Variants in CCDC148 observed in about 807,000 individuals in gnomAD.
CCDC148 encodes the protein coiled-coil domain containing 148.
CCDC148 carries 89 observed loss-of-function variants against 85.7 expected under a neutral mutation model. The ratio of observed to expected loss-of-function variants is 1.04; its 90% CI spans 0.87 to 1.24. The LOEUF is 1.24. CCDC148 is among the 50% of genes most tolerant of loss of function. The probability of loss-of-function intolerance (pLI) is 0.00; values close to 1 mark genes in which losing one functional copy is unlikely to be tolerated. For missense variants in CCDC148, 692 were observed against 671.7 expected (o/e 1.03, Z -0.33); for synonymous variants, 230 against 213.9 (o/e 1.08, Z -0.66).
chr2:158,314,044 T>A (rs911615550), intron 7 of CCDC148, 150 bp from the exon 8 acceptor site: 2 of 642,596 alleles, frequency 3.1e-6, no homozygotes. Flanking sequence ...AATGTCTGTT[T>A]CAGAAAAGCT....
In CCDC148 at chr2:158,397,097, A is replaced by G. The variant is rs147702032; in HGVS notation, c.26-38527T>C. On this transcript the variant is annotated intron_variant, in intron 1 of 13. Transcript: ENST00000283233. The stretch of plus-strand genomic sequence containing the variant: ...TCTCCAGGCAGCAAGACCACTAGCA[A>G]GCCAGACCCACACTTAAGCTCAGGT... Among the ~76,000 whole-genome samples the G allele has an allele frequency of 5.7e-3, 874 of 152,164 alleles. 9 individuals carry two copies. Among genetic ancestry groups the G allele is most frequent in the African/African-American group, 0.02 (832 of 41,528 alleles).
chr2:158,338,068 G>A (rs1183098976), intron 7 of CCDC148, among the ~76,000 whole-genome samples: 3 of 152,028 alleles, frequency 2.0e-5, no homozygotes, highest in Non-Finnish European at 4.4e-5. Context: ...TCCCCTAGAT[G>A]CTTCATATAC....
chr2:158,306,948 G>C (rs990662813), intron 9 of CCDC148, among the ~76,000 whole-genome samples: 3 of 151,186 alleles, frequency 2.0e-5, no homozygotes, highest in Admixed American at 2.0e-4. Flanking sequence ...GAACCCGGGA[G>C]GCGCAGCTTG....
intron 1 of CCDC148, among the ~76,000 whole-genome samples, chr2:158,415,957 T>C (rs1305107806): frequency 1.3e-5 from 2 of 152,224 alleles, no homozygotes; most frequent in Non-Finnish European, 2.9e-5. Context: ...GCTCTGCCCA[T>C]TCAGCAGACT....
intron 1 of CCDC148, among the ~76,000 whole-genome samples, chr2:158,383,148 A>T (rs879917447): frequency 4.4e-4 from 67 of 151,814 alleles, no homozygotes; most frequent in Admixed American, 1.4e-3. Context: ...AAAAATAAAA[A>T]AAAATAAAAT....
At chr2:158,278,701 C>A (rs1275005102) in intron 9 of CCDC148, among the ~76,000 whole-genome samples, 1 of 152,258 alleles carries the variant, frequency 6.6e-6, no homozygotes, top group African/African-American at 2.4e-5. Context: ...GGGGGCAGGG[C>A]ACAGACAAAC....
chr2:158,271,366 TC>T (rs1303917078), intron 9 of CCDC148, among the ~76,000 whole-genome samples: 1 of 152,176 alleles, frequency 6.6e-6, no homozygotes, highest in Non-Finnish European at 1.5e-5. Flanking sequence ...ATGGAAAATT[TC>T]AAAAATAAAA....
intron 11 of CCDC148, among the ~76,000 whole-genome samples, chr2:158,201,584 C>G (rs1996787): frequency 0.36 from 54,315 of 151,700 alleles, 10,594 homozygotes; most frequent in East Asian, 0.73. Context: ...TAATGTTTTT[C>G]TATTTTTTGT....
At chr2:158,192,353 G>T (rs1043620272) in intron 11 of CCDC148, among the ~76,000 whole-genome samples, 1 of 151,942 alleles carries the variant, frequency 6.6e-6, no homozygotes, top group Admixed American at 6.6e-5. Flanking sequence ...AACAACTCAC[G>T]ATTTGTAAAC....
chr2:158,454,112 G>A (rs1688508697), intron 1 of CCDC148, among the ~76,000 whole-genome samples: 1 of 152,200 alleles, frequency 6.6e-6, no homozygotes, highest in African/African-American at 2.4e-5. Context: ...GGCAAAATAA[G>A]CTAGGATTTT....
At chr2:158,335,680 T>C (rs1226366630) in intron 7 of CCDC148, among the ~76,000 whole-genome samples, 3 of 152,082 alleles carry the variant, frequency 2.0e-5, no homozygotes, top group Non-Finnish European at 2.9e-5. Context: ...CATGATTCAA[T>C]TATCTCCACC....
intron 11 of CCDC148, among the ~76,000 whole-genome samples, chr2:158,180,645 A>C (rs1413668754): frequency 3.3e-5 from 5 of 152,106 alleles, no homozygotes; most frequent in African/African-American, 1.2e-4. Flanking sequence ...GAACAAGTGA[A>C]TGATGAGTGA....
intron 10 of CCDC148, among the ~76,000 whole-genome samples, chr2:158,227,189 G>T (rs1687588766): frequency 6.6e-6 from 1 of 151,958 alleles, no homozygotes; most frequent in Non-Finnish European, 1.5e-5. Flanking sequence ...CAAATCATGA[G>T]TGAACTCCCA....
intron 11 of CCDC148, among the ~76,000 whole-genome samples, chr2:158,215,291 T>C (rs1686789206): frequency 6.6e-6 from 1 of 152,140 alleles, no homozygotes; most frequent in African/African-American, 2.4e-5. Flanking sequence ...TTAGAAGAAA[T>C]ATGAATAATA....
intron 9 of CCDC148, among the ~76,000 whole-genome samples, chr2:158,286,925 A>G (rs927865903): frequency 8.5e-5 from 13 of 152,200 alleles, no homozygotes; most frequent in African/African-American, 2.9e-4. Flanking sequence ...GTCCGTTTTC[A>G]TGCTGCTGAT....
intron 9 of CCDC148, among the ~76,000 whole-genome samples, chr2:158,306,879 C>T (rs190997849): frequency 4.6e-5 from 7 of 150,574 alleles, no homozygotes; most frequent in Middle Eastern, 3.4e-3. Flanking sequence ...ATCAGCCAGG[C>T]GTGGTTGCAG....
Position 158,338,783 on chromosome 2 carries a change from G to A in CCDC148, c.707C>T (p.Thr236Ile), listed in dbSNP as rs1288785560. The A allele has an allele frequency of 1.2e-6, 2 of 1,610,680 alleles. No homozygotes were observed. The highest frequency in any genetic ancestry group is 2.2e-5 in the South Asian group (2 of 90,264). The change falls in exon 7 of 14, where the codon ACA becomes ATA. Residue 236 changes from threonine (T) to isoleucine (I), a missense_variant. Thr to Ile is a moderately conservative substitution (Grantham distance 89). Coordinates refer to ENST00000283233, the MANE Select transcript of CCDC148 (RefSeq NM_138803.4). ...TTGAAGCTTCTTCTGATATTTCTGT[G>A]TAAACTTATAGAACTCACTGAGAAT... is the stretch of plus-strand genomic sequence containing the variant. ...SSILSEFYKF[T>I]QKYQKKLQDF...
At chr2:158,279,587 A>T (rs1213705116) in intron 9 of CCDC148, among the ~76,000 whole-genome samples, 1 of 152,176 alleles carries the variant, frequency 6.6e-6, no homozygotes, top group Non-Finnish European at 1.5e-5. Context: ...AAAAGAATAA[A>T]AAGAAATGAA....
At chr2:158,442,652 G>T (rs886683782) in intron 1 of CCDC148, among the ~76,000 whole-genome samples, 2 of 152,176 alleles carry the variant, frequency 1.3e-5, no homozygotes, top group Non-Finnish European at 2.9e-5. Flanking sequence ...AAAAGGCCCA[G>T]AACTATAAGA....
Sources: gnomAD v4.1 joint callset for allele counts (sites outside exome capture counted in the v4.1 genomes callset) on GRCh38, gnomAD v4.1.1 for gene constraint, MANE v1.5 for transcripts, NCBI Gene and HGNC (gene_info 2026-07-23, HGNC 2026-07-21) for gene names.